PPP1CB: variants seen among roughly 807,000 people sequenced by gnomAD.
PPP1CB encodes the protein protein phosphatase 1 catalytic subunit beta.
In PPP1CB, 2 loss-of-function variants were observed where a neutral mutation model predicts 43.7. The observed-to-expected ratio is 0.05, with a 90% CI of 0.02 to 0.14. The LOEUF (loss-of-function observed/expected upper bound fraction) is 0.14. Ranked by LOEUF, PPP1CB falls within the 10% of genes least tolerant of loss-of-function variation. The pLI is 1.00. For missense variants in PPP1CB, 84 were observed against 398.0 expected (o/e 0.21, Z 6.71); for synonymous variants, 136 against 135.6 (o/e 1.00, Z -0.02).
intron 1 of PPP1CB, among the ~76,000 whole-genome samples, chr2:28,773,656 C>A (rs1005716908): frequency 9.6e-6 from 1 of 104,232 alleles, no homozygotes; most frequent in South Asian, 3.8e-4. Flanking sequence ...ACAGGTTGCC[C>A]GGATGATTTC....
intron 1 of PPP1CB, among the ~76,000 whole-genome samples, chr2:28,766,668 G>A (rs1320603616): frequency 1.3e-5 from 2 of 152,158 alleles, no homozygotes; most frequent in African/African-American, 4.8e-5. Context: ...ACCTGTCATC[G>A]AGAGCCAAGG....
At chr2:28,763,765 C>A (rs1214667591) in intron 1 of PPP1CB, among the ~76,000 whole-genome samples, 6 of 152,158 alleles carry the variant, frequency 3.9e-5, no homozygotes, top group African/African-American at 1.4e-4. Flanking sequence ...AGTGCAGTGG[C>A]ACCATCTCAG....
intron 2 of PPP1CB, among the ~76,000 whole-genome samples, chr2:28,777,667 T>G (rs2148049332): frequency 6.6e-6 from 1 of 152,336 alleles, no homozygotes. Context: ...TTGGTTTTTC[T>G]TTGAGACAGA....
intron 1 of PPP1CB, among the ~76,000 whole-genome samples, chr2:28,758,034 AT>A (rs35158668): frequency 0.41 from 61,568 of 149,546 alleles, 13,638 homozygotes; most frequent in Middle Eastern, 0.52. Context: ...TGCATTTTTA[AT>A]TTTTTTTAAT....
At chr2:28,774,097 A>AT (rs1666976362) in intron 1 of PPP1CB, among the ~76,000 whole-genome samples, 3 of 152,226 alleles carry the variant, frequency 2.0e-5, no homozygotes. Flanking sequence ...GAAGCACTTT[A>AT]TAGTTCTGTA....
intron 1 of PPP1CB, among the ~76,000 whole-genome samples, chr2:28,753,226 C>T (rs1666378920): frequency 1.3e-5 from 2 of 152,190 alleles, no homozygotes; most frequent in African/African-American, 4.8e-5. Context: ...CTTTGTTAGC[C>T]GCCGTCCAGC....
intron 4 of PPP1CB, chr2:28,782,119 CCTG>C: frequency 1.0e-5 from 4 of 383,140 alleles, no homozygotes; most frequent in Non-Finnish European, 1.9e-5. Context: ...GAAAGACACC[CCTG>C]CTATTTATTA....
In PPP1CB at chr2:28,751,980, G is replaced by T; in HGVS notation, c.-145G>T. 1.4e-6 allele frequency: 1 copy of T among 731,596 alleles called. No homozygotes were observed. Among genetic ancestry groups the T allele is most frequent in the Admixed American group, 2.1e-5 (1 of 46,738 alleles). 45.3% of individuals were successfully genotyped at this position (731,596 alleles called of 1,614,324 possible). On this transcript the variant is annotated 5_prime_UTR_variant, in exon 1 of 8. Coordinates refer to ENST00000395366, the MANE Select transcript of PPP1CB (RefSeq NM_002709.3). ...GCTACCCGGCGGGGAGGGGGTGGGGGGAGGGCCCGGGAAAAGGGGGAGTTG... is the reference window on the plus strand; with the variant it reads ...GCTACCCGGCGGGGAGGGGGTGGGGTGAGGGCCCGGGAAAAGGGGGAGTTG...
chr2:28,775,323 G>A lies in PPP1CB; in HGVS notation c.53-1528G>A, dbSNP rs188931826. Reference sequence around the variant, plus strand: ...GGGGTTTCATCGTGTTGCCCAGGGCGATCTTGCGCTCCTGAGCTCAAGTGA... The same window carrying A: ...GGGGTTTCATCGTGTTGCCCAGGGCAATCTTGCGCTCCTGAGCTCAAGTGA... On this transcript the variant is annotated intron_variant, in intron 1 of 7. Coordinates refer to ENST00000395366, the MANE Select transcript of PPP1CB (RefSeq NM_002709.3). Among the ~76,000 whole-genome samples the A allele has an allele frequency of 1.4e-3, 218 of 152,200 alleles. 1 individual carries two copies. The highest frequency in any genetic ancestry group is 3.2e-3 in the Admixed American group (49 of 15,284).
intron 4 of PPP1CB, among the ~76,000 whole-genome samples, chr2:28,782,265 A>G (rs1463114399): frequency 6.6e-6 from 1 of 152,148 alleles, no homozygotes; most frequent in Non-Finnish European, 1.5e-5. Flanking sequence ...ATTAACAATA[A>G]AATAATAAAA....
chr2:28,786,172 G>A (rs1373093250), intron 5 of PPP1CB, among the ~76,000 whole-genome samples: 2 of 152,104 alleles, frequency 1.3e-5, no homozygotes, highest in Non-Finnish European at 2.9e-5. Context: ...GGAGTGCAAT[G>A]GCCTGATCTC....
chr2:28,788,558 G>T (rs1667321809), intron 5 of PPP1CB, 100 bp from the exon 6 acceptor site: 5 of 1,290,554 alleles, frequency 3.9e-6, no homozygotes, highest in Non-Finnish European at 1.1e-6. Context: ...TTTAGTAAAA[G>T]GTAAGAGGGC....
At chr2:28,770,454 A>G (rs1004342902) in intron 1 of PPP1CB, among the ~76,000 whole-genome samples, 2 of 147,806 alleles carry the variant, frequency 1.4e-5, no homozygotes, top group Non-Finnish European at 3.0e-5. Flanking sequence ...ACTTGGCTAT[A>G]TTTATGTTGG....
chr2:28,799,051 C>CT (rs1187690856), intron 7 of PPP1CB, 148 bp from the exon 8 acceptor site: 3 of 603,588 alleles, frequency 5.0e-6, no homozygotes, highest in East Asian at 2.9e-5. Flanking sequence ...CATTTGCACA[C>CT]TTTAAGAAAT....
chr2:28,755,113 A>AT (rs1329466358), intron 1 of PPP1CB, among the ~76,000 whole-genome samples: 1 of 151,924 alleles, frequency 6.6e-6, no homozygotes. Context: ...CGGTGGGGTG[A>AT]TGTTGGCTCA....
intron 5 of PPP1CB, among the ~76,000 whole-genome samples, chr2:28,787,327 C>T (rs1202755638): frequency 1.3e-5 from 2 of 151,812 alleles, no homozygotes; most frequent in Non-Finnish European, 2.9e-5. Flanking sequence ...GGCGTGGTAG[C>T]GGGCACCTGT....
In PPP1CB at chr2:28,798,250, A is replaced by G. The variant is rs550610398; in HGVS notation, c.880-949A>G. ...CCAGAATGAGTGTAGTAAAAAAGCC[A>G]GACTGTATCAAGTTTTGGCAAGGAT... On this transcript the variant is annotated intron_variant, in intron 7 of 7. Coordinates refer to ENST00000395366, the MANE Select transcript of PPP1CB (RefSeq NM_002709.3). Among the ~76,000 whole-genome samples the G allele has an allele frequency of 4.6e-5, 7 of 152,288 alleles. No homozygotes were observed. In the East Asian group the frequency reaches 1.2e-3, roughly 25 times the overall value.
Position 28,778,666 on chromosome 2 carries a change from G to T in PPP1CB, c.185-143G>T, listed in dbSNP as rs1012424507. ...GGAAGTGACAGCCCATCTCACTTTC[G>T]CTTATTAGAAGTAAGTCACCAAATA... On this transcript the variant is annotated intron_variant, in intron 2 of 7. Coordinates refer to ENST00000395366, the MANE Select transcript of PPP1CB (RefSeq NM_002709.3). 1.2e-5 allele frequency: 7 copies of T among 601,660 alleles called. No homozygotes were observed. In the East Asian group the frequency reaches 1.9e-4, roughly 17 times the overall value. 37.3% of individuals were successfully genotyped at this position (601,660 alleles called of 1,614,324 possible).
chr2:28,793,116 G>C (rs13018031), intron 6 of PPP1CB, among the ~76,000 whole-genome samples: 62,515 of 152,066 alleles, frequency 0.41, 13,772 homozygotes, highest in Middle Eastern at 0.51. Context: ...TGAGGCAGGA[G>C]AATGGCTTGA....
Sources: gnomAD v4.1 joint callset for allele counts (sites outside exome capture counted in the v4.1 genomes callset) on GRCh38, gnomAD v4.1.1 for gene constraint, MANE v1.5 for transcripts, NCBI Gene and HGNC (gene_info 2026-07-23, HGNC 2026-07-21) for gene names.